CRYBB2: variants seen among roughly 807,000 people sequenced by gnomAD.
The protein encoded by CRYBB2 is beta-crystallin B2.
CRYBB2 carries 12 observed loss-of-function variants against 24.3 expected under a neutral mutation model. The observed-to-expected ratio is 0.49, with a 90% CI of 0.32 to 0.80. CRYBB2 has a LOEUF of 0.80. Ranked by LOEUF, CRYBB2 falls within the 30% of genes least tolerant of loss-of-function variation. CRYBB2 has a pLI of 0.04. For missense variants in CRYBB2, 198 were observed against 268.5 expected (o/e 0.74, Z 1.83); for synonymous variants, 98 against 101.6 (o/e 0.96, Z 0.21).
chr22:25,221,494 C>A lies in CRYBB2; in HGVS notation c.54+11C>A. The A allele has an allele frequency of 6.2e-7, 1 of 1,607,338 alleles. No individual in the cohort carries two copies. Among genetic ancestry groups the A allele is most frequent in the Non-Finnish European group, 8.5e-7 (1 of 1,173,826 alleles). ...TCCCTCAACCCCAAGGTGGGTACCT[C>A]TCAGAGGAGGGGGCATGCAATGCTC... On this transcript the variant is annotated intron_variant, in intron 2 of 5. Transcript: ENST00000398215.
At chr22:25,219,485 G>T (rs1443543690), upstream of CRYBB2, 1 of 152,302 alleles carries the variant, frequency 6.6e-6, no homozygotes, top group Non-Finnish European at 1.5e-5. Context: ...ATTGTGCAGA[G>T]ACACAATGTC....
intron 2 of CRYBB2, among the ~76,000 whole-genome samples, chr22:25,223,359 C>A (rs747111894): frequency 6.6e-6 from 1 of 152,150 alleles, no homozygotes; most frequent in African/African-American, 2.4e-5. Flanking sequence ...CCACAAGCAG[C>A]GCAAATACTA....
At chr22:25,228,115 T>G in intron 4 of CRYBB2, 130 bp downstream of exon 4, 1 of 1,412,714 alleles carries the variant, frequency 7.1e-7, no homozygotes, top group Non-Finnish European at 9.7e-7. Flanking sequence ...CCCTTCTGAT[T>G]GGTGAGGAAC....
rs1206370594 is a variant in CRYBB2, at chr22:25,224,955, C to T, written c.92C>T (p.Ser31Leu). Residue 31 changes from serine (S) to leucine (L), a missense_variant, in exon 3 of 6, where the codon TCG (serine) becomes TTG (leucine). By Grantham distance (145) the Ser-to-Leu change is moderately radical (BLOSUM62 -2). Transcript: ENST00000398215. ...IFEQENFQGH[S>L]HELNGPCPNL... ...GAGCAGGAAAACTTTCAAGGCCACT[C>T]GCATGAGCTCAATGGGCCCTGCCCC... is the stretch of plus-strand genomic sequence containing the variant. The T allele has an allele frequency of 3.0e-5, 49 of 1,611,798 alleles. No homozygotes were observed. The highest frequency in any genetic ancestry group is 2.2e-4 in the Admixed American group (13 of 60,000).
upstream of CRYBB2, among the ~76,000 whole-genome samples, chr22:25,218,839 A>AAAGAAAGG (rs1569016552): frequency 6.3e-5 from 6 of 95,398 alleles, no homozygotes; most frequent in Non-Finnish European, 1.2e-4. Flanking sequence ...AGAAAGAAAG[A>AAAGAAAGG]GAAAGAAAGA....
At chr22:25,218,834 GAAA>G (rs1569016524), upstream of CRYBB2, among the ~76,000 whole-genome samples, 8 of 110,694 alleles carry the variant, frequency 7.2e-5, no homozygotes, top group African/African-American at 3.4e-4. Context: ...AAGAAAGAAA[GAAA>G]GAGAAAGAAA....
At chr22:25,218,137 T>C (rs913151506), upstream of CRYBB2, among the ~76,000 whole-genome samples, 6 of 150,648 alleles carry the variant, frequency 4.0e-5, no homozygotes, top group Non-Finnish European at 7.4e-5. Flanking sequence ...CGGGCGCCTG[T>C]AGTCCCAGCT....
chr22:25,230,421 G>T (rs1399516358), intron 5 of CRYBB2, among the ~76,000 whole-genome samples: 3 of 152,080 alleles, frequency 2.0e-5, no homozygotes, highest in Non-Finnish European at 4.4e-5. Flanking sequence ...CTCCCAAAGT[G>T]CAGGGATTAC....
At chr22:25,217,181 T>A (rs1471776475), upstream of CRYBB2, among the ~76,000 whole-genome samples, 8 of 46,106 alleles carry the variant, frequency 1.7e-4, no homozygotes, top group Admixed American at 2.7e-3. Flanking sequence ...ATGTTGGATT[T>A]TTTTTTTTTT....
upstream of CRYBB2, chr22:25,219,494 T>C (rs1433595120): frequency 6.6e-6 from 1 of 152,272 alleles, no homozygotes; most frequent in Non-Finnish European, 1.5e-5. Context: ...AGACACAATG[T>C]CTGTGGGCAT....
At chr22:25,226,168 C>CTGTGTGTG (rs3064285) in intron 3 of CRYBB2, among the ~76,000 whole-genome samples, 145 of 149,154 alleles carry the variant, frequency 9.7e-4, no homozygotes, top group Middle Eastern at 3.5e-3. Context: ...TTGGATTTCT[C>CTGTGTGTG]TGTGTGTGTG....
At chr22:25,222,501 G>A (rs373066443) in intron 2 of CRYBB2, among the ~76,000 whole-genome samples, 22 of 152,294 alleles carry the variant, frequency 1.4e-4, no homozygotes, top group African/African-American at 5.3e-4. Flanking sequence ...GCCTTTGCCA[G>A]GCCGAGGTGG....
Position 25,229,427 on chromosome 22 carries a change from T to C in CRYBB2, c.307-9T>C. The C allele has an allele frequency of 1.2e-6, 2 of 1,604,276 alleles. No individual in the cohort carries two copies. The highest frequency in any genetic ancestry group is 1.7e-6 in the Non-Finnish European group (2 of 1,175,462). The stretch of plus-strand genomic sequence containing the variant: ...CCCATACTCACTTCCCCCCATCCTC[T>C]GCCAATAGGACAGCCAAGAGCACAA... On this transcript the variant is annotated splice_polypyrimidine_tract_variant and intron_variant, in intron 4 of 5. Transcript: ENST00000398215.
At position 25,227,944 on chromosome 22, in the gene CRYBB2, C is replaced by T. The variant is rs1209985177; in HGVS notation, c.265C>T (p.Arg89Ter). Residue 89 changes from arginine (R) to a stop codon, truncating the protein, a stop_gained, in exon 4 of 6, where the codon CGA (arginine) becomes TGA (stop). Coordinates refer to ENST00000398215, the MANE Select transcript of CRYBB2 (RefSeq NM_000496.3). LOFTEE classifies it high-confidence loss of function. ...YPRWDSWTSSRRTDSLSSLRP... is the reference protein window; with the variant it reads ...YPRWDSWTSS ...CCGCTGGGACTCATGGACCAGCAGCCGAAGGACGGACTCCCTCAGCTCCCT... is the reference window on the plus strand; with the variant it reads ...CCGCTGGGACTCATGGACCAGCAGCTGAAGGACGGACTCCCTCAGCTCCCT... The T allele has an allele frequency of 6.8e-6, 11 of 1,613,990 alleles. No homozygotes were observed. The highest frequency in any genetic ancestry group is 1.3e-5 in the African/African-American group (1 of 74,906).
At chr22:25,218,665 CAAA>C (rs1273037707), upstream of CRYBB2, among the ~76,000 whole-genome samples, 40 of 113,152 alleles carry the variant, frequency 3.5e-4, no homozygotes, top group Middle Eastern at 5.0e-3. Flanking sequence ...GATTCCATCT[CAAA>C]AGAAAGAAAG....
At chr22:25,226,095 A>C (rs1277101291) in intron 3 of CRYBB2, among the ~76,000 whole-genome samples, 1 of 152,152 alleles carries the variant, frequency 6.6e-6, no homozygotes, top group Admixed American at 6.5e-5. Flanking sequence ...GGTTTAAGGC[A>C]AAAAACCGTA....
upstream of CRYBB2, among the ~76,000 whole-genome samples, chr22:25,218,733 AGGG>A (rs1438718553): frequency 0.027 from 1,130 of 41,296 alleles, 178 homozygotes; most frequent in African/African-American, 0.093. Flanking sequence ...AGAGAGAGAG[AGGG>A]GAGAGAGAGA....
At chr22:25,222,504 C>T (rs900242424) in intron 2 of CRYBB2, among the ~76,000 whole-genome samples, 8 of 152,028 alleles carry the variant, frequency 5.3e-5, no homozygotes, top group African/African-American at 7.3e-5. Context: ...TTTGCCAGGC[C>T]GAGGTGGGAG....
intron 4 of CRYBB2, 105 bp downstream of exon 4, chr22:25,228,090 C>G: frequency 6.5e-7 from 1 of 1,542,972 alleles, no homozygotes. Flanking sequence ...GGGGCCCGCC[C>G]CTCTAGCACT....
Sources: allele counts gnomAD v4.1 joint callset (sites outside exome capture counted in the v4.1 genomes callset), GRCh38; gene constraint gnomAD v4.1.1; transcripts MANE v1.5; gene names NCBI Gene and HGNC (gene_info 2026-07-23, HGNC 2026-07-21).